Variants in MAB21L1 observed in about 807,000 individuals in gnomAD.
MAB21L1 encodes the protein putative nucleotidyltransferase MAB21L1.
A neutral mutation model predicts 28.9 loss-of-function variants in MAB21L1; 8 were observed. The observed-to-expected ratio is 0.28, with a 90% CI of 0.16 to 0.50. The LOEUF (loss-of-function observed/expected upper bound fraction) is 0.50, where lower values mean the gene tolerates loss of function less well. MAB21L1 is among the 20% of genes least tolerant of loss of function. The pLI is 0.98. For missense variants in MAB21L1, 388 were observed against 466.5 expected, an observed-to-expected ratio of 0.83 and a Z score of 1.55; for synonymous variants, 219 against 198.2, an observed-to-expected ratio of 1.10 and a Z score of -0.88.
In MAB21L1 at chr13:35,475,608, G is replaced by A. The variant is rs146823976; in HGVS notation, c.531C>T (p.Thr177=). Residue 177 remains threonine (T), a synonymous_variant, in exon 1 of 1, where the codon ACC becomes ACT. Transcript: ENST00000379919. ...VVQITPAFKC[T]GIWPRSAAHW... Reference sequence around the variant, plus strand: ...GGGCAGCACTCCTCGGCCAGATCCCGGTGCATTTAAAGGCCGGCGTGATCT... The same window carrying A: ...GGGCAGCACTCCTCGGCCAGATCCCAGTGCATTTAAAGGCCGGCGTGATCT... The A allele has an allele frequency of 2.4e-5, 39 of 1,613,500 alleles. 1 individual carries two copies. The highest frequency in any genetic ancestry group is 3.3e-4 in the Middle Eastern group (2 of 6,084).
In MAB21L1 at chr13:35,473,806, C is replaced by T. The variant is rs1465461626; in HGVS notation, c.*1253G>A. 3.9e-5 allele frequency among the ~76,000 whole-genome samples: 6 copies of T among 152,150 alleles called. No individual in the cohort carries two copies. Among genetic ancestry groups the T allele is most frequent in the African/African-American group, 1.4e-4 (6 of 41,534 alleles). ...ATAAAATATATTGGTCAGAAAGGAT[C>T]GTTTTATTAGTTTTCATACATAATT... On this transcript the variant is annotated 3_prime_UTR_variant, in exon 1 of 1. Coordinates refer to ENST00000379919, the MANE Select transcript of MAB21L1 (RefSeq NM_005584.5).
rs962713319 is a variant in MAB21L1 at position 35,474,021 on chromosome 13, G to T, written c.*1038C>A. Among the ~76,000 whole-genome samples, 6 of 152,252 alleles carry T rather than the reference G, an allele frequency of 3.9e-5. No homozygotes were observed. Among genetic ancestry groups the T allele is most frequent in the African/African-American group, 1.4e-4 (6 of 41,586 alleles). On this transcript the variant is annotated 3_prime_UTR_variant, in exon 1 of 1. Transcript: ENST00000379919. ...AAGGAATTGTCTTACAAGTAAGTTA[G>T]AGACTGAGAGTAGATTGTTATCTTA...
At position 35,475,247 on chromosome 13, in the gene MAB21L1, C is replaced by T. The variant is rs1466490352; in HGVS notation, c.892G>A (p.Asp298Asn). ...ESDWDESCLG[D>N]RLNGILLQLI... ...TGCAGCAAAATCCCGTTCAGCCGAT[C>T]ACCCAGGCAAGACTCGTCCCAGTCC... Residue 298 changes from aspartate to asparagine, a missense_variant, in exon 1 of 1, where the codon GAT (aspartate) becomes AAT (asparagine). Coordinates refer to ENST00000379919, the MANE Select transcript of MAB21L1 (RefSeq NM_005584.5). 6.2e-7 allele frequency: 1 copy of T among 1,613,844 alleles called. No individual in the cohort carries two copies. The highest frequency in any genetic ancestry group is 8.5e-7 in the Non-Finnish European group (1 of 1,180,010).
chr13:35,475,404 G>A lies in MAB21L1; in HGVS notation c.735C>T (p.Gly245=), dbSNP rs1034249404. The A allele has an allele frequency of 6.2e-7, 1 of 1,613,598 alleles. No individual in the cohort carries two copies. Among genetic ancestry groups the A allele is most frequent in the Non-Finnish European group, 8.5e-7 (1 of 1,179,974 alleles). The change falls in exon 1 of 1, where the codon GGC becomes GGT. Residue 245 remains glycine (G), a synonymous_variant. Transcript: ENST00000379919. ...GGATGGAGAGGCACTTCTTTCTGCA[G>A]CCCCCCATCTGCAGTCTGTTCTCTG... ...AEAENRLQMG[G]CRKKCLSILK... is the part of the protein sequence containing the mutation.
Position 35,475,099 on chromosome 13 carries a change from C to G in MAB21L1, c.1040G>C (p.Arg347Thr). The change falls in exon 1 of 1, where the codon AGA becomes ACA. Residue 347 changes from arginine (R) to threonine (T), a missense_variant. Around this residue, in one of 3 missense-constraint regions of MAB21L1, gnomAD observed 218 missense variants for 220.6 expected, o/e 0.99. Transcript: ENST00000379919. ...ACTTTTCGGGTTGGTCAGGATCTCT[C>G]TTGCCAGTCGCCACGTTTGTTTGGC... ...NAAKQTWRLA[R>T]EILTNPKSLE... 1 of 1,614,152 alleles carries G rather than the reference C, an allele frequency of 6.2e-7. No individual in the cohort carries two copies. The highest frequency in any genetic ancestry group is 8.5e-7 in the Non-Finnish European group (1 of 1,180,012).
chr13:35,474,165 C>G lies in MAB21L1; in HGVS notation c.*894G>C, dbSNP rs1466464543. The G allele has an allele frequency of 6.6e-6, 1 of 152,502 alleles. No individual in the cohort carries two copies. The highest frequency in any genetic ancestry group is 2.4e-5 in the African/African-American group (1 of 41,424). The allele number at this position is 152,502 out of a possible 1,614,324, so 9.4% of individuals were successfully genotyped here. Reference sequence around the variant, plus strand: ...TGATTTTCAAAATGCATCATTACATCTTGTGATAGGAAACAATTTAAAGTG... The same window carrying G: ...TGATTTTCAAAATGCATCATTACATGTTGTGATAGGAAACAATTTAAAGTG... On this transcript the variant is annotated 3_prime_UTR_variant, in exon 1 of 1. Transcript: ENST00000379919.
At position 35,475,388 on chromosome 13, in the gene MAB21L1, G is replaced by C. The variant is rs1594757475; in HGVS notation, c.751C>G (p.Leu251Val). Residue 251 changes from leucine to valine, a missense_variant, in exon 1 of 1, where the codon CTC becomes GTC. This residue lies in a region of MAB21L1 where 218 missense variants were observed against 220.6 expected (regional missense o/e 0.99). Coordinates refer to ENST00000379919, the MANE Select transcript of MAB21L1 (RefSeq NM_005584.5). ...TCCCTTAAGGTTTTGAGGATGGAGA[G>C]GCACTTCTTTCTGCAGCCCCCCATC... is the stretch of plus-strand genomic sequence containing the variant. ...LQMGGCRKKC[L>V]SILKTLRDRH... 1.9e-6 allele frequency: 3 copies of C among 1,613,810 alleles called. No homozygotes were observed. The highest frequency in any genetic ancestry group is 2.5e-6 in the Non-Finnish European group (3 of 1,179,978).
Position 35,476,407 on chromosome 13 carries a change from C to G in MAB21L1, c.-269G>C. ...AGCCGTTCTTAAAGTGAAAGACTGT[C>G]CTCCCCCCTCTGCTTGTCTCTCTTC... On this transcript the variant is annotated 5_prime_UTR_variant, in exon 1 of 1. Transcript: ENST00000379919. 1 of 1,017,006 alleles carries G rather than the reference C, an allele frequency of 9.8e-7. No homozygotes were observed. The highest frequency in any genetic ancestry group is 2.6e-5 in the East Asian group (1 of 38,746). The allele number at this position is 1,017,006 out of a possible 1,614,324, so 63.0% of individuals were successfully genotyped here.
Position 35,474,613 on chromosome 13 carries a change from G to C in MAB21L1, c.*446C>G, listed in dbSNP as rs1381366319. 1 of 155,614 alleles carries C rather than the reference G, an allele frequency of 6.4e-6. No homozygotes were observed. Among genetic ancestry groups the C allele is most frequent in the African/African-American group, 2.4e-5 (1 of 41,468 alleles). 9.6% of individuals were successfully genotyped at this position (155,614 alleles called of 1,614,324 possible). A position where few individuals can be genotyped will look rare whatever the true frequency, so the allele number is the denominator to read the frequency against. On this transcript the variant is annotated 3_prime_UTR_variant, in exon 1 of 1. Coordinates refer to ENST00000379919, the MANE Select transcript of MAB21L1 (RefSeq NM_005584.5). ...ATCCACACTTTCAAAGACAATGTGA[G>C]ATCACAATATTTGTTACAAATCAAA...
At position 35,476,272 on chromosome 13, in the gene MAB21L1, C is replaced by G. The variant is rs577942257; in HGVS notation, c.-134G>C. On this transcript the variant is annotated 5_prime_UTR_variant, in exon 1 of 1. Coordinates refer to ENST00000379919, the MANE Select transcript of MAB21L1 (RefSeq NM_005584.5). ...TCAGAAATGGATCAAAAATGCCTTT[C>G]GGAAGTGCTGCAGCGTTGGTTTCCC... The G allele has an allele frequency of 2.3e-5, 33 of 1,440,260 alleles. No individual in the cohort carries two copies. In the African/African-American group the frequency reaches 3.9e-4, roughly 17 times the overall value. The allele number at this position is 1,440,260 out of a possible 1,614,324, so 89.2% of individuals were successfully genotyped here. A position where few individuals can be genotyped will look rare whatever the true frequency, so the allele number is the denominator to read the frequency against.
At position 35,475,359 on chromosome 13, in the gene MAB21L1, A is replaced by G; in HGVS notation, c.780T>C (p.Arg260=). The G allele has an allele frequency of 1.9e-6, 3 of 1,613,940 alleles. No individual in the cohort carries two copies. The highest frequency in any genetic ancestry group is 2.5e-6 in the Non-Finnish European group (3 of 1,179,996). ...AGGGCTGGCCCGGCAGTTCAAGGTGACGATCCCTTAAGGTTTTGAGGATGG... is the reference window on the plus strand; with the variant it reads ...AGGGCTGGCCCGGCAGTTCAAGGTGGCGATCCCTTAAGGTTTTGAGGATGG... ...CLSILKTLRD[R]HLELPGQPLN... The change falls in exon 1 of 1, where the codon CGT becomes CGC. Residue 260 remains arginine (R), a synonymous_variant. Coordinates refer to ENST00000379919, the MANE Select transcript of MAB21L1 (RefSeq NM_005584.5).
chr13:35,476,158 T>C lies in MAB21L1; in HGVS notation c.-20A>G, dbSNP rs765530305. The C allele has an allele frequency of 7.4e-6, 12 of 1,613,376 alleles. No individual in the cohort carries two copies. The highest frequency in any genetic ancestry group is 1.3e-5 in the African/African-American group (1 of 75,028). ...AATCATGTTGGGGCAGAGATCCGGATTGTACACCGGAGTCTCGCAGTAAGC... is the reference window on the plus strand; with the variant it reads ...AATCATGTTGGGGCAGAGATCCGGACTGTACACCGGAGTCTCGCAGTAAGC... On this transcript the variant is annotated 5_prime_UTR_variant, in exon 1 of 1. Transcript: ENST00000379919.
In MAB21L1 at chr13:35,476,437, T is replaced by C; in HGVS notation, c.-299A>G. 1 of 933,030 alleles carries C rather than the reference T, an allele frequency of 1.1e-6. No homozygotes were observed. Among genetic ancestry groups the C allele is most frequent in the Non-Finnish European group, 1.7e-6 (1 of 586,670 alleles). 57.8% of individuals were successfully genotyped at this position (933,030 alleles called of 1,614,324 possible). A position where few individuals can be genotyped will look rare whatever the true frequency, so the allele number is the denominator to read the frequency against. The stretch of plus-strand genomic sequence containing the variant: ...CCCCTCTGCTTGTCTCTCTTCCTCT[T>C]TTAAAGAATCCTTGTGTGAGAGAAC... On this transcript the variant is annotated 5_prime_UTR_variant, in exon 1 of 1. Transcript: ENST00000379919.
chr13:35,476,272 CGGAAGTG>C lies in MAB21L1; in HGVS notation c.-141_-135del, dbSNP rs1372226624. 1 of 1,440,258 alleles carries C rather than the reference CGGAAGTG, an allele frequency of 6.9e-7. No homozygotes were observed. Among genetic ancestry groups the C allele is most frequent in the Non-Finnish European group, 9.6e-7 (1 of 1,038,440 alleles). The allele number at this position is 1,440,258 out of a possible 1,614,324, so 89.2% of individuals were successfully genotyped here. ...TCAGAAATGGATCAAAAATGCCTTT[CGGAAGTG>C]CTGCAGCGTTGGTTTCCCTGCTGCT... On this transcript the variant is annotated 5_prime_UTR_variant, in exon 1 of 1. Coordinates refer to ENST00000379919, the MANE Select transcript of MAB21L1 (RefSeq NM_005584.5).
chr13:35,474,320 C>G lies in MAB21L1; in HGVS notation c.*739G>C, dbSNP rs1367860717. 6.6e-6 allele frequency: 1 copy of G among 152,490 alleles called. No individual in the cohort carries two copies. Among genetic ancestry groups the G allele is most frequent in the Non-Finnish European group, 1.5e-5 (1 of 68,010 alleles). The allele number at this position is 152,490 out of a possible 1,614,324, so 9.4% of individuals were successfully genotyped here. A position where few individuals can be genotyped will look rare whatever the true frequency, so the allele number is the denominator to read the frequency against. ...AAGTGCATTTTTCAAATATATAATT[C>G]AGATATTCAAGCGTTATTATATAAG... On this transcript the variant is annotated 3_prime_UTR_variant, in exon 1 of 1. Transcript: ENST00000379919.
chr13:35,474,914 G>C lies in MAB21L1; in HGVS notation c.*145C>G. ...CTCCCCTTGTGGGGGTGGGTGAGAT[G>C]ATGTTTAAATATTGTATTATTATTC... is the stretch of plus-strand genomic sequence containing the variant. On this transcript the variant is annotated 3_prime_UTR_variant, in exon 1 of 1. Transcript: ENST00000379919. 1.9e-6 allele frequency: 2 copies of C among 1,032,740 alleles called. No homozygotes were observed. The highest frequency in any genetic ancestry group is 2.8e-6 in the Non-Finnish European group (2 of 714,782). 64.0% of individuals were successfully genotyped at this position (1,032,740 alleles called of 1,614,324 possible).
chr13:35,474,587 C>T lies in MAB21L1; in HGVS notation c.*472G>A, dbSNP rs2075783567. The T allele has an allele frequency of 6.5e-6, 1 of 153,598 alleles. No individual in the cohort carries two copies. Among genetic ancestry groups the T allele is most frequent in the Non-Finnish European group, 1.4e-5 (1 of 69,006 alleles). 9.5% of individuals were successfully genotyped at this position (153,598 alleles called of 1,614,324 possible). A position where few individuals can be genotyped will look rare whatever the true frequency, so the allele number is the denominator to read the frequency against. On this transcript the variant is annotated 3_prime_UTR_variant, in exon 1 of 1. Coordinates refer to ENST00000379919, the MANE Select transcript of MAB21L1 (RefSeq NM_005584.5). ...TGTTCACCAAATCACAAAACACCAA[C>T]ATCCACACTTTCAAAGACAATGTGA... is the stretch of plus-strand genomic sequence containing the variant.
chr13:35,475,536 C>A lies in MAB21L1; in HGVS notation c.603G>T (p.Ala201=), dbSNP rs767268138. The A allele has an allele frequency of 1.2e-6, 2 of 1,613,038 alleles. No individual in the cohort carries two copies. Among genetic ancestry groups the A allele is most frequent in the Admixed American group, 3.3e-5 (2 of 59,978 alleles). The change falls in exon 1 of 1, where the codon GCG becomes GCT. Residue 201 remains alanine (A), a synonymous_variant. Coordinates refer to ENST00000379919, the MANE Select transcript of MAB21L1 (RefSeq NM_005584.5). ...HIPWPGPNRV[A]EVKAEGFNLL... Reference sequence around the variant, plus strand: ...GATTGAAACCTTCCGCCTTGACCTCCGCCACCCGGTTGGGTCCCGGCCAGG... The same window carrying A: ...GATTGAAACCTTCCGCCTTGACCTCAGCCACCCGGTTGGGTCCCGGCCAGG...
At position 35,475,619 on chromosome 13, in the gene MAB21L1, A is replaced by C; in HGVS notation, c.520T>G (p.Phe174Val). The change falls in exon 1 of 1, where the codon TTT (phenylalanine) becomes GTT (valine). Residue 174 changes from phenylalanine (F) to valine (V), a missense_variant. Around this residue, in one of 3 missense-constraint regions of MAB21L1, gnomAD observed 81 missense variants for 153.7 expected, o/e 0.53. Transcript: ENST00000379919. ...DRYVVQITPA[F>V]KCTGIWPRSA... The stretch of plus-strand genomic sequence containing the variant: ...CTCGGCCAGATCCCGGTGCATTTAA[A>C]GGCCGGCGTGATCTGCACCACGTAC... 6.2e-7 allele frequency: 1 copy of C among 1,613,714 alleles called. No individual in the cohort carries two copies. Among genetic ancestry groups the C allele is most frequent in the Non-Finnish European group, 8.5e-7 (1 of 1,179,964 alleles).
Sources: allele counts gnomAD v4.1 joint callset (sites outside exome capture counted in the v4.1 genomes callset), GRCh38; gene constraint gnomAD v4.1.1; regional missense constraint gnomAD v4.1.1; transcripts MANE v1.5; gene names NCBI Gene and HGNC (gene_info 2026-07-23, HGNC 2026-07-21).